CRIM1: variants seen among roughly 807,000 people sequenced by gnomAD.
CRIM1 encodes cysteine rich transmembrane BMP regulator 1, also known as cysteine-rich motor neuron 1 protein.
A neutral mutation model predicts 116.4 loss-of-function variants in CRIM1; 32 were observed. The observed-to-expected ratio is 0.27, with a 90% confidence interval of 0.21 to 0.37. The LOEUF (loss-of-function observed/expected upper bound fraction) is 0.37, where lower values mean the gene tolerates loss of function less well. Ranked by LOEUF, CRIM1 falls within the 10% of genes least tolerant of loss-of-function variation. The pLI, the probability that CRIM1 is intolerant of heterozygous loss-of-function variation, is 1.00. For missense variants in CRIM1, 1,331 were observed against 1,354.8 expected, an observed-to-expected ratio of 0.98 and a Z score of 0.28; for synonymous variants, 590 against 509.2, an observed-to-expected ratio of 1.16 and a Z score of -2.13.
At chr2:36,396,964 G>A (rs893132131) in intron 2 of CRIM1, among the ~76,000 whole-genome samples, 177 bp downstream of exon 2, 1 of 152,272 alleles carries the variant, frequency 6.6e-6, no homozygotes, top group Middle Eastern at 3.4e-3. Context: ...GTGTGTTTCC[G>A]AGACGCTATG....
chr2:36,537,634 A>G (rs1296115276), intron 14 of CRIM1, 88 bp downstream of exon 14: 8 of 1,375,260 alleles, frequency 5.8e-6, no homozygotes, highest in South Asian at 1.5e-5. Flanking sequence ...CCCTTCTTTC[A>G]TTCGTTCACA....
Position 36,356,589 on chromosome 2 carries a change from C to A in CRIM1, c.297C>A (p.Asp99Glu), listed in dbSNP as rs755943514. ...TCATCCGCCCCCCGCTCAATGGCGA[C>A]TCCCTCACCGAGTACGAAGCGGGCG... Reference protein sequence around the residue: ...RCVIRPPLNGDSLTEYEAGVC... With the variant: ...RCVIRPPLNGESLTEYEAGVC... The change falls in exon 1 of 17, where the codon GAC becomes GAA. Residue 99 changes from aspartate (D) to glutamate (E), a missense_variant. Physicochemically the swap from Asp to Glu is conservative, Grantham distance 45. This residue lies in a region of CRIM1 where 690 missense variants were observed against 676.0 expected (regional missense o/e 1.02). Coordinates refer to ENST00000280527, the MANE Select transcript of CRIM1 (RefSeq NM_016441.3). This position sits in a 1 kb window ranked among gnomAD's most constrained non-coding sequence, Gnocchi z 4.3. 1 of 1,611,672 alleles carries A rather than the reference C, an allele frequency of 6.2e-7. No individual in the cohort carries two copies. The highest frequency in any genetic ancestry group is 8.5e-7 in the Non-Finnish European group (1 of 1,179,742).
At chr2:36,545,651 C>T (rs866920166) in intron 15 of CRIM1, among the ~76,000 whole-genome samples, 3 of 152,244 alleles carry the variant, frequency 2.0e-5, no homozygotes, top group Middle Eastern at 3.4e-3. Context: ...AAGCTCAAAG[C>T]TAACTTTGAT....
At chr2:36,433,203 G>T (rs1432967858) in intron 2 of CRIM1, among the ~76,000 whole-genome samples, 2 of 150,718 alleles carry the variant, frequency 1.3e-5, no homozygotes, top group Non-Finnish European at 3.0e-5. Flanking sequence ...CTGGAGTGAG[G>T]TCTAAGTTTC....
chr2:36,453,034 G>A (rs1274051789), intron 4 of CRIM1, among the ~76,000 whole-genome samples: 1 of 152,168 alleles, frequency 6.6e-6, no homozygotes, highest in Non-Finnish European at 1.5e-5. Flanking sequence ...TAGCTAATAA[G>A]CAAGTCTAAA....
At chr2:36,500,021 C>T (rs1235944010) in intron 8 of CRIM1, among the ~76,000 whole-genome samples, 4 of 152,008 alleles carry the variant, frequency 2.6e-5, no homozygotes, top group African/African-American at 9.7e-5. Flanking sequence ...TAAAATATGG[C>T]CCACAATCAA....
Position 36,464,185 on chromosome 2 carries a change from C to T in CRIM1, c.870-349C>T, listed in dbSNP as rs570719533. Among the ~76,000 whole-genome samples, 11 of 152,298 alleles carry T rather than the reference C, an allele frequency of 7.2e-5. No homozygotes were observed. The South Asian group carries it at 2.3e-3, about 32-fold the overall frequency. On this transcript the variant is annotated intron_variant, in intron 4 of 16. Coordinates refer to ENST00000280527, the MANE Select transcript of CRIM1 (RefSeq NM_016441.3). ...GTGCAAGCATCGATTCACAGAAGAGCATAACAGATACATATGAAGATGTCC... is the reference window on the plus strand; with the variant it reads ...GTGCAAGCATCGATTCACAGAAGAGTATAACAGATACATATGAAGATGTCC...
At chr2:36,468,018 C>T (rs944348251) in intron 5 of CRIM1, among the ~76,000 whole-genome samples, 3 of 152,176 alleles carry the variant, frequency 2.0e-5, no homozygotes, top group African/African-American at 4.8e-5. Context: ...TAAAATACAA[C>T]TCAGTTCCAA....
intron 1 of CRIM1, among the ~76,000 whole-genome samples, chr2:36,381,205 G>A (rs923081864): frequency 6.6e-6 from 1 of 152,230 alleles, no homozygotes; most frequent in Non-Finnish European, 1.5e-5. Context: ...TGAGTGTCCT[G>A]GATGGACCTG....
chr2:36,391,462 G>GA (rs1295449514), intron 1 of CRIM1, among the ~76,000 whole-genome samples: 8 of 152,038 alleles, frequency 5.3e-5, no homozygotes, highest in African/African-American at 1.7e-4. Context: ...AATGTGCTGG[G>GA]AAAAATCACA....
At chr2:36,359,592 A>G (rs1251551995) in intron 1 of CRIM1, among the ~76,000 whole-genome samples, 1 of 152,226 alleles carries the variant, frequency 6.6e-6, no homozygotes, top group Non-Finnish European at 1.5e-5. Flanking sequence ...ATCCATAGAA[A>G]GAATGCTGAA....
intron 6 of CRIM1, among the ~76,000 whole-genome samples, chr2:36,478,406 C>T (rs1452650940): frequency 6.6e-6 from 1 of 152,192 alleles, no homozygotes; most frequent in Non-Finnish European, 1.5e-5. Flanking sequence ...TCTGTGTAGT[C>T]ATCATACTGA....
Position 36,551,118 on chromosome 2 carries a change from C to T in CRIM1, c.*2417C>T, listed in dbSNP as rs761037188. ...AACTTGATTCTTGGCAGGAAATAAA[C>T]ATTTTGAGTTGAAATCACACAGTGT... On this transcript the variant is annotated 3_prime_UTR_variant, in exon 17 of 17. Transcript: ENST00000280527. 1 of 152,566 alleles carries T rather than the reference C, an allele frequency of 6.6e-6. No individual in the cohort carries two copies. Among genetic ancestry groups the T allele is most frequent in the African/African-American group, 2.4e-5 (1 of 41,442 alleles). 9.5% of individuals were successfully genotyped at this position (152,566 alleles called of 1,614,324 possible).
intron 4 of CRIM1, among the ~76,000 whole-genome samples, chr2:36,463,102 C>G (rs966337044): frequency 6.6e-6 from 1 of 152,184 alleles, no homozygotes; most frequent in Non-Finnish European, 1.5e-5. Context: ...AGAACTGCCA[C>G]CCCACATGGA....
chr2:36,357,173 G>T (rs937693016), intron 1 of CRIM1, among the ~76,000 whole-genome samples: 4 of 152,078 alleles, frequency 2.6e-5, no homozygotes, highest in Non-Finnish European at 5.9e-5. Context: ...CTCCTCCTCC[G>T]CAGATAAATC....
intron 1 of CRIM1, among the ~76,000 whole-genome samples, chr2:36,361,929 C>G (rs749176261): frequency 6.6e-6 from 1 of 152,102 alleles, no homozygotes; most frequent in African/African-American, 2.4e-5. Context: ...GAAAGCTTTC[C>G]TTCTCAGAGG....
intron 2 of CRIM1, among the ~76,000 whole-genome samples, chr2:36,400,934 CTCT>C (rs1672361334): frequency 6.6e-6 from 1 of 151,994 alleles, no homozygotes; most frequent in Non-Finnish European, 1.5e-5. Context: ...CTTTTAGGGA[CTCT>C]TCTTTGAGTA....
At chr2:36,450,356 T>C (rs552365489) in intron 4 of CRIM1, among the ~76,000 whole-genome samples, 2 of 152,294 alleles carry the variant, frequency 1.3e-5, no homozygotes, top group East Asian at 1.9e-4. Flanking sequence ...TGAGGTCGGA[T>C]TGTGTGTGTG....
intron 1 of CRIM1, among the ~76,000 whole-genome samples, chr2:36,377,812 G>C (rs888976288): frequency 1.3e-5 from 2 of 152,148 alleles, no homozygotes; most frequent in Non-Finnish European, 2.9e-5. Context: ...AGTTATATTT[G>C]GTTGAAATAA....
Sources: allele counts gnomAD v4.1 joint callset (sites outside exome capture counted in the v4.1 genomes callset), GRCh38; gene constraint gnomAD v4.1.1; regional missense constraint gnomAD v4.1.1; non-coding constraint Gnocchi (gnomAD v3.1); transcripts MANE v1.5; gene names NCBI Gene and HGNC (gene_info 2026-07-23, HGNC 2026-07-21).